Variants in NF2 observed in about 807,000 individuals in gnomAD.
NF2 encodes merlin.
NF2 carries 8 observed loss-of-function variants against 83.7 expected under a neutral mutation model. That is an observed-to-expected ratio of 0.10 (90% CI 0.06 to 0.17). The LOEUF (loss-of-function observed/expected upper bound fraction) is 0.17. Among genes scored for constraint, NF2 ranks in the 10% least tolerant of loss-of-function variants. The probability of loss-of-function intolerance (pLI) is 1.00; values close to 1 mark genes in which losing one functional copy is unlikely to be tolerated. For missense variants in NF2, 533 were observed against 744.4 expected (o/e 0.72, Z 3.31); for synonymous variants, 266 against 269.6 (o/e 0.99, Z 0.13).
At chr22:29,673,714 G>C (rs1325839142) in intron 12 of NF2, among the ~76,000 whole-genome samples, 1 of 152,230 alleles carries the variant, frequency 6.6e-6, no homozygotes, top group Non-Finnish European at 1.5e-5. Context: ...GGCCTCTCTG[G>C]TCATACTTGT....
intron 4 of NF2, among the ~76,000 whole-genome samples, chr22:29,650,546 CTTTCTT>C (rs2066118885): frequency 6.7e-6 from 1 of 150,164 alleles, no homozygotes; most frequent in Admixed American, 6.6e-5. Flanking sequence ...TTCTCTTTCT[CTTTCTT>C]TCTCTCTCTC....
At chr22:29,663,400 C>T (rs1385523878) in intron 8 of NF2, among the ~76,000 whole-genome samples, 2 of 152,210 alleles carry the variant, frequency 1.3e-5, no homozygotes, top group African/African-American at 4.8e-5. Flanking sequence ...ATAACTCATG[C>T]AGTAAGCAGA....
intron 1 of NF2, among the ~76,000 whole-genome samples, chr22:29,615,169 G>A (rs2065052248): frequency 6.6e-6 from 1 of 152,162 alleles, no homozygotes; most frequent in South Asian, 2.1e-4. Context: ...GGGCAACAAA[G>A]CAAGACTCTG....
intron 1 of NF2, chr22:29,609,225 G>T: frequency 4.1e-6 from 3 of 731,414 alleles, no homozygotes; most frequent in Admixed American, 1.7e-5. Context: ...AATCAACTAG[G>T]TATGACCTTG....
intron 15 of NF2, chr22:29,682,980 G>T: frequency 6.2e-7 from 1 of 1,612,090 alleles, no homozygotes; most frequent in Non-Finnish European, 8.5e-7. Flanking sequence ...ATATCACAGG[G>T]TATGTTTTTG....
chr22:29,639,158 G>A lies in NF2; in HGVS notation c.309G>A (p.Glu103=), dbSNP rs1336155010. Reference sequence around the variant, plus strand: ...ACTTCTTGGCCAAATTTTATCCTGAGAATGCTGAAGAGGAGCTGGTTCAGG... The same window carrying A: ...ACTTCTTGGCCAAATTTTATCCTGAAAATGCTGAAGAGGAGCTGGTTCAGG... The part of the protein sequence containing the change: ...TFHFLAKFYP[E]NAEEELVQEI... Residue 103 remains glutamate, a synonymous_variant, in exon 3 of 16, where the codon GAG becomes GAA. Transcript: ENST00000338641. 1 of 1,614,182 alleles carries A rather than the reference G, an allele frequency of 6.2e-7. No homozygotes were observed. The highest frequency in any genetic ancestry group is 1.3e-5 in the African/African-American group (1 of 75,030).
At chr22:29,672,562 T>G (rs1244987366) in intron 11 of NF2, among the ~76,000 whole-genome samples, 2 of 152,042 alleles carry the variant, frequency 1.3e-5, no homozygotes, top group Non-Finnish European at 2.9e-5. Context: ...TCTGCCCGCC[T>G]CAGCCTCCCA....
At chr22:29,676,137 A>C (rs1484194271) in intron 13 of NF2, among the ~76,000 whole-genome samples, 3 of 151,488 alleles carry the variant, frequency 2.0e-5, no homozygotes, top group Non-Finnish European at 4.4e-5. Context: ...TGAACACCTG[A>C]GATGTGTTAT....
chr22:29,664,748 C>A (rs892607896), intron 8 of NF2, among the ~76,000 whole-genome samples: 1 of 152,172 alleles, frequency 6.6e-6, no homozygotes, highest in Non-Finnish European at 1.5e-5. Flanking sequence ...TGTCAAGAAT[C>A]CCTTCCCACA....
At chr22:29,676,480 T>C (rs1208388283) in intron 13 of NF2, among the ~76,000 whole-genome samples, 1 of 152,210 alleles carries the variant, frequency 6.6e-6, no homozygotes, top group Admixed American at 6.5e-5. Flanking sequence ...CCAGCCTATA[T>C]GTGTTGTTTT....
rs376980938 is a variant in NF2 at position 29,658,175 on chromosome 22, C to T, written c.600-14C>T. On this transcript the variant is annotated splice_polypyrimidine_tract_variant and intron_variant, in intron 6 of 15. Coordinates refer to ENST00000338641, the MANE Select transcript of NF2 (RefSeq NM_000268.4). The stretch of plus-strand genomic sequence containing the variant: ...ACTTAGCTCCAATGACAGTGTCTTC[C>T]GTTCTCCCCACAGGGATGAAGCTGA... The T allele has an allele frequency of 1.5e-5, 24 of 1,613,322 alleles. No individual in the cohort carries two copies. The highest frequency in any genetic ancestry group is 1.7e-4 in the Middle Eastern group (1 of 5,826).
At chr22:29,653,988 A>AG (rs2066228243) in intron 4 of NF2, among the ~76,000 whole-genome samples, 1 of 151,820 alleles carries the variant, frequency 6.6e-6, no homozygotes, top group South Asian at 2.1e-4. Flanking sequence ...CTAGGAAAGG[A>AG]GTTTTTTTTT....
intron 3 of NF2, among the ~76,000 whole-genome samples, chr22:29,641,312 A>G (rs2065805267): frequency 6.6e-6 from 1 of 152,234 alleles, no homozygotes; most frequent in Admixed American, 6.5e-5. Context: ...GTTTGAACGT[A>G]AACACCTAAC....
At position 29,694,469 on chromosome 22, in the gene NF2, C is replaced by T. The variant is rs56761979; in HGVS notation, c.1738-283C>T. 0.014 allele frequency among the ~76,000 whole-genome samples: 2,074 copies of T among 152,316 alleles called. 54 individuals carry two copies. The highest frequency in any genetic ancestry group is 0.048 in the African/African-American group (1,996 of 41,572). On this transcript the variant is annotated intron_variant, in intron 15 of 15. Transcript: ENST00000338641. The surrounding 1 kb of genome is among the most constrained non-coding windows in gnomAD (Gnocchi z 4.1). ...ATCTATTAAAATAGGCAGGGATCTC[C>T]GGTCCTCTGTCAAGAGGCAATGCTG...
At chr22:29,692,109 C>T (rs181761823) in intron 15 of NF2, among the ~76,000 whole-genome samples, 6 of 152,210 alleles carry the variant, frequency 3.9e-5, no homozygotes, top group Admixed American at 3.3e-4. Context: ...CAGCAGTGGC[C>T]GAAGGCTCCC....
chr22:29,627,365 T>C (rs1484596536), intron 1 of NF2, among the ~76,000 whole-genome samples: 1 of 152,216 alleles, frequency 6.6e-6, no homozygotes, highest in Non-Finnish European at 1.5e-5. Flanking sequence ...TGTTGTGAGC[T>C]AAATTCCAAA....
intron 6 of NF2, 52 bp from the exon 7 acceptor site, chr22:29,658,137 C>T (rs2146988312): frequency 1.3e-6 from 2 of 1,556,770 alleles, no homozygotes; most frequent in Admixed American, 1.7e-5. Context: ...CCCACCCGCT[C>T]TCCACCCATC....
intron 15 of NF2, among the ~76,000 whole-genome samples, chr22:29,688,398 C>T (rs1007081798): frequency 1.3e-5 from 2 of 152,206 alleles, no homozygotes; most frequent in Non-Finnish European, 2.9e-5. Flanking sequence ...TCTGCGAGCC[C>T]GAGGTTCTGT....
At chr22:29,669,692 G>T (rs551542148) in intron 10 of NF2, among the ~76,000 whole-genome samples, 1 of 152,170 alleles carries the variant, frequency 6.6e-6, no homozygotes, top group Non-Finnish European at 1.5e-5. Context: ...CTGCAGATCG[G>T]CACTGCTTAC....
Sources: allele counts gnomAD v4.1 joint callset (sites outside exome capture counted in the v4.1 genomes callset), GRCh38; gene constraint gnomAD v4.1.1; non-coding constraint Gnocchi (gnomAD v3.1); transcripts MANE v1.5; gene names NCBI Gene and HGNC (gene_info 2026-07-23, HGNC 2026-07-21).